The following SLFN13 variants were observed in gnomAD, a reference collection of about 807,000 sequenced individuals.
SLFN13 encodes the protein schlafen-13.
In SLFN13, 43 loss-of-function variants were observed where a neutral mutation model predicts 50.6. The observed-to-expected ratio is 0.85, with a 90% CI of 0.67 to 1.09. SLFN13 has a LOEUF of 1.09. Among genes scored for constraint, SLFN13 ranks in the 50% least tolerant of loss-of-function variants. SLFN13 has a pLI of 0.00. For synonymous variants in SLFN13, 339 were observed against 386.5 expected (o/e 0.88, Z 1.44); for missense variants, 881 against 1,071.1 (o/e 0.82, Z 2.48).
chr17:35,444,701 G>T lies in SLFN13; in HGVS notation c.980C>A (p.Ala327Asp). ...KAFCCVVFSE[A>D]PKSWMVREKY... ...CTCCCTCACCATCCATGACTTGGGAGCTTCCGAGAACACCACACAACAGAA... is the reference window on the plus strand; with the variant it reads ...CTCCCTCACCATCCATGACTTGGGATCTTCCGAGAACACCACACAACAGAA... Residue 327 changes from alanine to aspartate, a missense_variant, in exon 3 of 6, where the codon GCT becomes GAT. By Grantham distance (126) the Ala-to-Asp change is moderately radical (BLOSUM62 -2). Around this residue, in one of 5 missense-constraint regions of SLFN13, gnomAD observed 497 missense variants for 518.3 expected, o/e 0.96. Transcript: ENST00000285013. 1 of 1,614,192 alleles carries T rather than the reference G, an allele frequency of 6.2e-7. No individual in the cohort carries two copies.
At position 35,440,243 on chromosome 17, in the gene SLFN13, C is replaced by A; in HGVS notation, c.*352G>T. 4.4e-6 allele frequency: 1 copy of A among 226,028 alleles called. No homozygotes were observed. The highest frequency in any genetic ancestry group is 8.6e-6 in the Non-Finnish European group (1 of 115,636). The allele number at this position is 226,028 out of a possible 1,614,324, so 14.0% of individuals were successfully genotyped here. ...ACATAAAAGAACTCGAGAACTCCAG[C>A]CTTGGAAGAAAGGCCACAGGCTGAG... On this transcript the variant is annotated 3_prime_UTR_variant, in exon 6 of 6. Transcript: ENST00000285013.
intron 3 of SLFN13, 80 bp from the exon 4 acceptor site, chr17:35,444,000 A>G: frequency 7.1e-7 from 1 of 1,405,474 alleles, no homozygotes; most frequent in Non-Finnish European, 9.6e-7. Context: ...GCTGTGTCTA[A>G]ATTTCATCTA....
chr17:35,435,978 C>T lies in SLFN13; in HGVS notation c.*4617G>A, dbSNP rs900182919. The T allele has an allele frequency of 2.6e-5, 4 of 152,062 alleles. No homozygotes were observed. Among genetic ancestry groups the T allele is most frequent in the Non-Finnish European group, 4.4e-5 (3 of 68,012 alleles). 9.4% of individuals were successfully genotyped at this position (152,062 alleles called of 1,614,324 possible). On this transcript the variant is annotated 3_prime_UTR_variant, in exon 6 of 6. Coordinates refer to ENST00000285013, the MANE Select transcript of SLFN13 (RefSeq NM_144682.6). The stretch of plus-strand genomic sequence containing the variant: ...TCAACGTTGAATTCCTGACTTGAAC[C>T]ACCTTGGTCGTGGTGTATTATCACT...
intron 3 of SLFN13, 56 bp downstream of exon 3, chr17:35,444,559 G>A: frequency 6.9e-7 from 1 of 1,441,696 alleles, no homozygotes; most frequent in South Asian, 1.3e-5. Flanking sequence ...AAAGAAGGAA[G>A]TGGTATTGGG....
intron 1 of SLFN13, among the ~76,000 whole-genome samples, chr17:35,447,973 C>G (rs542650699): frequency 6.6e-6 from 1 of 152,068 alleles, no homozygotes; most frequent in South Asian, 2.1e-4. Flanking sequence ...ATTTTTGCCT[C>G]AGCCTCCGGA....
At chr17:35,448,571 C>G (rs1353469105) in intron 1 of SLFN13, among the ~76,000 whole-genome samples, 151 bp downstream of exon 1, 1 of 151,344 alleles carries the variant, frequency 6.6e-6, no homozygotes, top group Non-Finnish European at 1.5e-5. Flanking sequence ...CCGACTCCAC[C>G]GGCTGGCCGG....
intron 2 of SLFN13, 99 bp downstream of exon 2, chr17:35,447,169 G>A (rs977730975): frequency 3.9e-5 from 6 of 152,098 alleles, no homozygotes; most frequent in Non-Finnish European, 7.4e-5. Flanking sequence ...TCTTTGTAAG[G>A]TAGAGATATT....
At position 35,443,863 on chromosome 17, in the gene SLFN13, G is replaced by A; in HGVS notation, c.1124C>T (p.Pro375Leu). 1 of 1,613,804 alleles carries A rather than the reference G, an allele frequency of 6.2e-7. No individual in the cohort carries two copies. The highest frequency in any genetic ancestry group is 1.7e-4 in the Middle Eastern group (1 of 6,060). The change falls in exon 4 of 6, where the codon CCT (proline) becomes CTT (leucine). Residue 375 changes from proline (P) to leucine (L), a missense_variant. Physicochemically the swap from Pro to Leu is moderately conservative, Grantham distance 98. Transcript: ENST00000285013. The stretch of plus-strand genomic sequence containing the variant: ...AGAATACACTGGTCTGCAAAGTGAA[G>A]GACTGTCAGATAGACTCAACTGAGA... ...FESQLSLSDS[P>L]SLCRPVYSKK...
In SLFN13 at chr17:35,441,177, G is replaced by C. The variant is rs768448381; in HGVS notation, c.2112C>G (p.Tyr704Ter). 3.1e-6 allele frequency: 5 copies of C among 1,613,936 alleles called. No individual in the cohort carries two copies. The African/African-American group carries it at 6.7e-5, about 22-fold the overall frequency. Residue 704 changes from tyrosine to a stop codon, truncating the protein, a stop_gained, in exon 6 of 6, where the codon TAC becomes TAG. Coordinates refer to ENST00000285013, the MANE Select transcript of SLFN13 (RefSeq NM_144682.6). LOFTEE classifies it low-confidence loss of function (END_TRUNC). ...CPGVLWIFLD[Y>*]FQTSHLGHSG... is the part of the protein sequence containing the mutation. ...TGTGACCCAAGTGACTGGTCTGAAA[G>C]TAGTCCAGAAAGATCCAGAGAACTC...
In SLFN13 at chr17:35,437,376, G is replaced by A. The variant is rs1405683957; in HGVS notation, c.*3219C>T. The A allele has an allele frequency of 1.4e-5, 2 of 139,302 alleles. No homozygotes were observed. Among genetic ancestry groups the A allele is most frequent in the Non-Finnish European group, 3.3e-5 (2 of 61,284 alleles). 8.6% of individuals were successfully genotyped at this position (139,302 alleles called of 1,614,324 possible). A position where few individuals can be genotyped will look rare whatever the true frequency, so the allele number is the denominator to read the frequency against. On this transcript the variant is annotated 3_prime_UTR_variant, in exon 6 of 6. Transcript: ENST00000285013. ...CCAGATAATTTTTTGTTGTCTTCTC[G>A]AGGGGGGGGTCATGCTATGCTGCCC...
At chr17:35,442,562 G>C (rs915473322) in intron 4 of SLFN13, among the ~76,000 whole-genome samples, 1 of 152,186 alleles carries the variant, frequency 6.6e-6, no homozygotes, top group Non-Finnish European at 1.5e-5. Flanking sequence ...TCCTGCCTCA[G>C]CCTCCCAAGT....
In SLFN13 at chr17:35,440,744, T is replaced by C. The variant is rs779040592; in HGVS notation, c.2545A>G (p.Ile849Val). The change falls in exon 6 of 6, where the codon ATT (isoleucine) becomes GTT (valine). Residue 849 changes from isoleucine (I) to valine (V), a missense_variant. By Grantham distance (29) the Ile-to-Val change is conservative. Transcript: ENST00000285013. ...SDACDMLGVH[I>V]VLDSVRRFSG... ...AATCGCCGGACACTGTCCAACACAA[T>C]GTGCACACCCAACATATCACATGCA... The C allele has an allele frequency of 1.2e-6, 2 of 1,614,072 alleles. No homozygotes were observed. The highest frequency in any genetic ancestry group is 1.7e-6 in the Non-Finnish European group (2 of 1,180,006).
intron 1 of SLFN13, among the ~76,000 whole-genome samples, 181 bp from the exon 2 acceptor site, chr17:35,447,595 C>T (rs537713684): frequency 2.0e-5 from 3 of 152,156 alleles, no homozygotes; most frequent in African/African-American, 7.2e-5. Context: ...AAAATCAGAA[C>T]AACACAAATC....
rs1055790064 is a variant in SLFN13 at position 35,445,560 on chromosome 17, G to C, written c.121C>G (p.Gln41Glu). 2.5e-6 allele frequency: 4 copies of C among 1,613,942 alleles called. No homozygotes were observed. Among genetic ancestry groups the C allele is most frequent in the Non-Finnish European group, 3.4e-6 (4 of 1,179,992 alleles). Residue 41 changes from glutamine (Q) to glutamate (E), a missense_variant, in exon 3 of 6, where the codon CAA becomes GAA. Transcript: ENST00000285013. ...RKKLQKTQRD[Q>E]ERARVIRAAC... is the part of the protein sequence containing the mutation. ...GCCCGTATAACTCTCGCCCTCTCTT[G>C]GTCTCTCTGAGTTTTCTGTAGCTTT...
upstream of SLFN13, chr17:35,448,969 G>A (rs1331170911): frequency 6.6e-6 from 1 of 152,050 alleles, no homozygotes; most frequent in African/African-American, 2.4e-5. Flanking sequence ...AGCACTTTGG[G>A]AGGCCTAAGC....
chr17:35,442,980 G>A (rs996466443), intron 4 of SLFN13, among the ~76,000 whole-genome samples: 10 of 152,166 alleles, frequency 6.6e-5, no homozygotes, highest in Non-Finnish European at 1.3e-4. Flanking sequence ...AAACTATTTG[G>A]TGGTAAACAG....
In SLFN13 at chr17:35,443,896, G is replaced by T; in HGVS notation, c.1091C>A (p.Ala364Asp). The change falls in exon 4 of 6, where the codon GCC becomes GAC. Residue 364 changes from alanine to aspartate, a missense_variant. Around this residue, in one of 5 missense-constraint regions of SLFN13, gnomAD observed 497 missense variants for 518.3 expected, o/e 0.96. Coordinates refer to ENST00000285013, the MANE Select transcript of SLFN13 (RefSeq NM_144682.6). ...DPEFPPDFAE[A>D]FESQLSLSDS... ...AGATAGACTCAACTGAGACTCAAAGGCCTCAGCAAAGTCTGGAGGAAACTC... is the reference window on the plus strand; with the variant it reads ...AGATAGACTCAACTGAGACTCAAAGTCCTCAGCAAAGTCTGGAGGAAACTC... The T allele has an allele frequency of 6.2e-7, 1 of 1,613,466 alleles. No individual in the cohort carries two copies. Among genetic ancestry groups the T allele is most frequent in the Non-Finnish European group, 8.5e-7 (1 of 1,179,552 alleles).
rs1293088648 is a variant in SLFN13, at chr17:35,439,124, C to T, written c.*1471G>A. ...TGGCTGCCATCTCTCTGTGTGCTCC[C>T]ATGCCCTCTTGTTTGTGTGCACAGG... On this transcript the variant is annotated 3_prime_UTR_variant, in exon 6 of 6. Coordinates refer to ENST00000285013, the MANE Select transcript of SLFN13 (RefSeq NM_144682.6). 6.6e-6 allele frequency: 1 copy of T among 152,154 alleles called. No individual in the cohort carries two copies. Among genetic ancestry groups the T allele is most frequent in the East Asian group, 1.9e-4 (1 of 5,178 alleles). The allele number at this position is 152,154 out of a possible 1,614,324, so 9.4% of individuals were successfully genotyped here.
chr17:35,441,519 C>A (rs755158449), intron 5 of SLFN13, 44 bp downstream of exon 5: 2 of 1,610,636 alleles, frequency 1.2e-6, no homozygotes, highest in East Asian at 2.2e-5. Context: ...AAAAATTAAA[C>A]CCAGATTAAA....
Sources: gnomAD v4.1 joint callset for allele counts (sites outside exome capture counted in the v4.1 genomes callset) on GRCh38, gnomAD v4.1.1 for gene constraint, gnomAD v4.1.1 regional missense constraint, MANE v1.5 for transcripts, NCBI Gene and HGNC (gene_info 2026-07-23, HGNC 2026-07-21) for gene names.